The following NEK7 variants were observed in gnomAD, a reference collection of about 807,000 sequenced individuals.
NEK7 encodes serine/threonine-protein kinase Nek7.
In NEK7, 18 loss-of-function variants were observed where a neutral mutation model predicts 44.6. That is an observed-to-expected ratio of 0.40 (90% confidence interval 0.28 to 0.60). NEK7 has a LOEUF of 0.60. Among genes scored for constraint, NEK7 ranks in the 20% least tolerant of loss-of-function variants. The pLI is 0.38. For synonymous variants in NEK7, 130 were observed against 121.1 expected (o/e 1.07, Z -0.48); for missense variants, 256 against 366.5 (o/e 0.70, Z 2.46).
intron 1 of NEK7, among the ~76,000 whole-genome samples, chr1:198,177,601 CTAAA>C (rs1472474622): frequency 3.3e-5 from 5 of 151,900 alleles, no homozygotes; most frequent in African/African-American, 7.3e-5. Flanking sequence ...AGAAGCAAGA[CTAAA>C]TACTTGTTTT....
intron 1 of NEK7, among the ~76,000 whole-genome samples, chr1:198,179,550 A>G (rs1034120563): frequency 6.6e-6 from 1 of 152,112 alleles, no homozygotes; most frequent in African/African-American, 2.4e-5. Context: ...ATGCATGAGG[A>G]TGGCTCCAAC....
At chr1:198,250,786 A>C (rs1277534260) in intron 2 of NEK7, among the ~76,000 whole-genome samples, 2 of 146,202 alleles carry the variant, frequency 1.4e-5, no homozygotes, top group Non-Finnish European at 3.0e-5. Context: ...TTGGGCTGAG[A>C]CAATGGGGTT....
intron 1 of NEK7, among the ~76,000 whole-genome samples, chr1:198,157,654 C>T (rs772472840): frequency 5.3e-5 from 8 of 152,198 alleles, no homozygotes; most frequent in Non-Finnish European, 1.2e-4. Flanking sequence ...TTGGCGACGT[C>T]GGTTATTTAT....
At chr1:198,233,041 T>C (rs2102874837) in intron 2 of NEK7, among the ~76,000 whole-genome samples, 1 of 152,048 alleles carries the variant, frequency 6.6e-6, no homozygotes, top group Non-Finnish European at 1.5e-5. Context: ...TAACTTTATT[T>C]GAATGACCTG....
intron 1 of NEK7, among the ~76,000 whole-genome samples, chr1:198,188,209 C>G (rs923701264): frequency 6.6e-6 from 1 of 152,108 alleles, no homozygotes; most frequent in Non-Finnish European, 1.5e-5. Flanking sequence ...TAGGTGAGAA[C>G]CTGGATTTCA....
chr1:198,228,992 G>T (rs1195177287), intron 1 of NEK7, among the ~76,000 whole-genome samples: 2 of 151,980 alleles, frequency 1.3e-5, no homozygotes, highest in Non-Finnish European at 2.9e-5. Context: ...CAGTATGATT[G>T]AAGGTCTTAA....
At chr1:198,259,415 T>C (rs1199026665) in intron 3 of NEK7, among the ~76,000 whole-genome samples, 2 of 152,182 alleles carry the variant, frequency 1.3e-5, no homozygotes, top group East Asian at 3.8e-4. Context: ...ATGGGCATTA[T>C]TCTTTCTCTG....
At chr1:198,259,490 G>A (rs1452252455) in intron 3 of NEK7, among the ~76,000 whole-genome samples, 1 of 152,056 alleles carries the variant, frequency 6.6e-6, no homozygotes, top group Non-Finnish European at 1.5e-5. Context: ...TTACAATTTT[G>A]TGCTTTCCAG....
At chr1:198,198,985 TC>T (rs965358160) in intron 1 of NEK7, among the ~76,000 whole-genome samples, 5 of 152,208 alleles carry the variant, frequency 3.3e-5, no homozygotes, top group African/African-American at 9.7e-5. Flanking sequence ...TATCCATACT[TC>T]CACCTACCAT....
intron 1 of NEK7, among the ~76,000 whole-genome samples, chr1:198,163,158 A>G (rs1664159120): frequency 6.6e-6 from 1 of 152,120 alleles, no homozygotes; most frequent in Non-Finnish European, 1.5e-5. Context: ...ATGAATTCCT[A>G]ATCTTGTATT....
chr1:198,303,543 GTTAAA>G (rs1368260916), intron 9 of NEK7, among the ~76,000 whole-genome samples: 4 of 151,860 alleles, frequency 2.6e-5, no homozygotes, highest in Admixed American at 1.3e-4. Flanking sequence ...CATCTTTGAA[GTTAAA>G]TTAAGTTTAT....
intron 2 of NEK7, among the ~76,000 whole-genome samples, chr1:198,239,658 G>A (rs1006053438): frequency 1.3e-5 from 2 of 151,812 alleles, no homozygotes; most frequent in Admixed American, 6.6e-5. Context: ...TTATATCAGT[G>A]AATACTAGAT....
intron 9 of NEK7, among the ~76,000 whole-genome samples, chr1:198,308,523 A>G (rs1655081377): frequency 6.6e-6 from 1 of 152,216 alleles, no homozygotes; most frequent in Admixed American, 6.5e-5. Context: ...TTTCTGATGA[A>G]TGCTATTTCT....
At chr1:198,192,180 A>T (rs865890712) in intron 1 of NEK7, among the ~76,000 whole-genome samples, 19 of 149,254 alleles carry the variant, frequency 1.3e-4, no homozygotes, top group South Asian at 4.2e-4. Flanking sequence ...CTGATGTAAA[A>T]TTTTTTTTTT....
intron 1 of NEK7, among the ~76,000 whole-genome samples, chr1:198,210,770 T>TGA (rs1325711619): frequency 8.8e-5 from 11 of 125,660 alleles, no homozygotes; most frequent in Non-Finnish European, 1.5e-4. Flanking sequence ...TTTTTTTTTT[T>TGA]GAGACGGAGT....
intron 9 of NEK7, among the ~76,000 whole-genome samples, chr1:198,317,891 T>TTTTTG (rs1655422153): frequency 1.4e-5 from 2 of 146,446 alleles, no homozygotes; most frequent in Admixed American, 6.8e-5. Flanking sequence ...TTTTTTTTTT[T>TTTTTG]TTTTTTTTTG....
chr1:198,276,145 G>A (rs940549254), intron 5 of NEK7, among the ~76,000 whole-genome samples: 3 of 151,398 alleles, frequency 2.0e-5, no homozygotes, highest in South Asian at 2.1e-4. Flanking sequence ...ATCTTGGTCC[G>A]GTAACGTCTT....
chr1:198,170,543 A>G (rs1412029886), intron 1 of NEK7, among the ~76,000 whole-genome samples: 1 of 152,152 alleles, frequency 6.6e-6, no homozygotes, highest in Non-Finnish European at 1.5e-5. Flanking sequence ...AAGGGGTAGG[A>G]ACCTTTTTAT....
chr1:198,313,963 A>G (rs1655269977), intron 9 of NEK7, among the ~76,000 whole-genome samples: 1 of 151,086 alleles, frequency 6.6e-6, no homozygotes, highest in Non-Finnish European at 1.5e-5. Context: ...GTATTTCCTG[A>G]ATCTGAATGT....
Sources: allele counts gnomAD v4.1 joint callset (sites outside exome capture counted in the v4.1 genomes callset), GRCh38; gene constraint gnomAD v4.1.1; transcripts MANE v1.5; gene names NCBI Gene and HGNC (gene_info 2026-07-23, HGNC 2026-07-21).